Variants in AGBL1 observed in about 807,000 individuals in gnomAD.
The protein encoded by AGBL1 is cytosolic carboxypeptidase 4.
In AGBL1, 130 loss-of-function variants were observed where a neutral mutation model predicts 118.9. The observed-to-expected ratio is 1.09, with a 90% confidence interval of 0.95 to 1.26. The LOEUF (loss-of-function observed/expected upper bound fraction) is 1.26, where lower values mean the gene tolerates loss of function less well. Among genes scored for constraint, AGBL1 ranks in the 50% most tolerant of loss-of-function variants. AGBL1 has a pLI of 0.00. For missense variants in AGBL1, 1,584 were observed against 1,298.1 expected, an observed-to-expected ratio of 1.22 and a Z score of -3.38; for synonymous variants, 555 against 478.9, an observed-to-expected ratio of 1.16 and a Z score of -2.08.
chr15:86,095,456 C>T (rs1162250904), intron 1 of AGBL1, among the ~76,000 whole-genome samples: 1 of 152,054 alleles, frequency 6.6e-6, no homozygotes, highest in Admixed American at 6.6e-5. Flanking sequence ...CAAAAAGACA[C>T]TCTTAGCACT....
intron 17 of AGBL1, among the ~76,000 whole-genome samples, chr15:86,344,454 C>T (rs901971624): frequency 6.6e-6 from 1 of 152,004 alleles, no homozygotes; most frequent in African/African-American, 2.4e-5. Flanking sequence ...TGAATGGAGC[C>T]CCCTAGAGTT....
intron 22 of AGBL1, among the ~76,000 whole-genome samples, chr15:86,882,099 C>T (rs1340867134): frequency 6.6e-6 from 1 of 152,172 alleles, no homozygotes; most frequent in Non-Finnish European, 1.5e-5. Context: ...CGTATCCAAC[C>T]TCTCTTGACC....
At chr15:86,138,406 C>G (rs949884412) in intron 1 of AGBL1, 2 of 152,284 alleles carry the variant, frequency 1.3e-5, no homozygotes, top group Admixed American at 1.3e-4. Flanking sequence ...AGGATTCTCT[C>G]TACTTCTCCC....
intron 18 of AGBL1, among the ~76,000 whole-genome samples, chr15:86,419,564 GTT>G (rs530557383): frequency 1.4e-5 from 2 of 146,524 alleles, no homozygotes; most frequent in Admixed American, 6.8e-5. Flanking sequence ...AGCTGCAGGA[GTT>G]TTTTTTTTTT....
Position 86,295,281 on chromosome 15 carries a change from T to C in AGBL1, c.2247T>C (p.Ser749=), listed in dbSNP as rs892586488. The change falls in exon 17 of 23, where the codon AGT becomes AGC. Residue 749 remains serine (S), a synonymous_variant. Transcript: ENST00000614907. The stretch of plus-strand genomic sequence containing the variant: ...CTCATCTTGACATCCTGGAAAAGAG[T>C]GTCAACCTCAAAGAGGTCTACTTCC... ...LMTHLDILEK[S]VNLKEVYFRQ... The C allele has an allele frequency of 6.2e-7, 1 of 1,613,570 alleles. No individual in the cohort carries two copies. The highest frequency in any genetic ancestry group is 2.2e-5 in the East Asian group (1 of 44,860).
intron 22 of AGBL1, among the ~76,000 whole-genome samples, chr15:86,808,044 A>G (rs2141362276): frequency 6.6e-6 from 1 of 152,272 alleles, no homozygotes; most frequent in African/African-American, 2.4e-5. Flanking sequence ...GATGAGTTAG[A>G]GGAGGATTAA....
chr15:86,121,384 TC>T (rs1355041359), intron 1 of AGBL1, among the ~76,000 whole-genome samples: 3 of 152,164 alleles, frequency 2.0e-5, no homozygotes, highest in Non-Finnish European at 4.4e-5. Context: ...AATTTAATCA[TC>T]CCCTTTAAAT....
chr15:86,291,386 A>G (rs113904722), intron 16 of AGBL1, among the ~76,000 whole-genome samples: 6 of 148,888 alleles, frequency 4.0e-5, no homozygotes, highest in African/African-American at 1.6e-4. Flanking sequence ...AGACACATAC[A>G]CACACACACC....
chr15:86,445,194 G>T (rs1358158463), intron 18 of AGBL1, among the ~76,000 whole-genome samples: 2 of 152,158 alleles, frequency 1.3e-5, no homozygotes, highest in Admixed American at 6.5e-5. Context: ...CATCACCCTG[G>T]GGGAGAGCAG....
In AGBL1 at chr15:86,154,533, C is replaced by T. The variant is rs1474965349; in HGVS notation, c.366C>T (p.Leu122=). 14 of 1,611,922 alleles carry T rather than the reference C, an allele frequency of 8.7e-6. No homozygotes were observed. The highest frequency in any genetic ancestry group is 1.1e-5 in the Non-Finnish European group (13 of 1,178,862). The part of the protein sequence containing the change: ...LSHGQNLLHC[L]WALRVFASSV... Reference sequence around the variant, plus strand: ...ATGGCCAGAATCTCCTCCACTGTCTCTGGGCTCTGCGTGTGTTTGCCTCCA... The same window carrying T: ...ATGGCCAGAATCTCCTCCACTGTCTTTGGGCTCTGCGTGTGTTTGCCTCCA... Residue 122 remains leucine, a synonymous_variant, in exon 4 of 23, where the codon CTC becomes CTT. Coordinates refer to ENST00000614907, the MANE Select transcript of AGBL1 (RefSeq NM_001386094.1).
chr15:86,501,906 C>G (rs2082921064), intron 18 of AGBL1, among the ~76,000 whole-genome samples: 1 of 151,324 alleles, frequency 6.6e-6, no homozygotes, highest in Admixed American at 6.6e-5. Context: ...TTCAATACTG[C>G]TTTGTGTATT....
At position 86,291,870 on chromosome 15, in the gene AGBL1, T is replaced by C. The variant is rs143710028; in HGVS notation, c.2221-3385T>C. Among the ~76,000 whole-genome samples the C allele has an allele frequency of 1.3e-3, 202 of 152,326 alleles. 3 individuals carry two copies. The East Asian group carries it at 0.025, about 19-fold the overall frequency. On this transcript the variant is annotated intron_variant, in intron 16 of 22. Transcript: ENST00000614907. Reference sequence around the variant, plus strand: ...TCAATACCTGATACTCGTTATTTGATGGACAATCATAACAATTACATACAA... The same window carrying C: ...TCAATACCTGATACTCGTTATTTGACGGACAATCATAACAATTACATACAA...
chr15:86,828,247 G>C (rs951119487), intron 22 of AGBL1, among the ~76,000 whole-genome samples: 1 of 151,766 alleles, frequency 6.6e-6, no homozygotes, highest in Admixed American at 6.6e-5. Context: ...TCAGCCTGTC[G>C]TACGACTTTT....
chr15:86,081,867 T>G (rs1424017869), intron 1 of AGBL1, among the ~76,000 whole-genome samples: 2 of 152,228 alleles, frequency 1.3e-5, no homozygotes, highest in African/African-American at 4.8e-5. Context: ...CACTTCAGGT[T>G]GAACTCAATT....
intron 23 of AGBL1, among the ~76,000 whole-genome samples, chr15:86,925,422 G>A (rs2141626203): frequency 6.6e-6 from 1 of 152,244 alleles, no homozygotes; most frequent in East Asian, 1.9e-4. Context: ...GGGCAAAGAA[G>A]AAGCATTAGT....
intron 1 of AGBL1, among the ~76,000 whole-genome samples, chr15:86,137,808 G>T (rs1476772776): frequency 6.6e-6 from 1 of 152,178 alleles, no homozygotes; most frequent in African/African-American, 2.4e-5. Flanking sequence ...TGTATTTGAA[G>T]CAAATGGGGT....
At chr15:86,108,709 A>G (rs1431550710) in intron 1 of AGBL1, among the ~76,000 whole-genome samples, 3 of 152,228 alleles carry the variant, frequency 2.0e-5, no homozygotes, top group African/African-American at 7.2e-5. Context: ...CTATAATCCC[A>G]GCACTTTGGG....
At chr15:86,556,371 T>A in intron 21 of AGBL1, 2 of 1,221,946 alleles carry the variant, frequency 1.6e-6, no homozygotes, top group Non-Finnish European at 2.4e-6. Context: ...GAGAACTGGC[T>A]AGAGAAAGCC....
chr15:86,143,558 G>A, intron 2 of AGBL1, 141 bp from the exon 3 acceptor site: 3 of 1,002,000 alleles, frequency 3.0e-6, no homozygotes, highest in Non-Finnish European at 4.3e-6. Flanking sequence ...CTTTAACACA[G>A]GTTGCTTCAA....
Sources: gnomAD v4.1 joint callset for allele counts (sites outside exome capture counted in the v4.1 genomes callset) on GRCh38, gnomAD v4.1.1 for gene constraint, MANE v1.5 for transcripts, NCBI Gene and HGNC (gene_info 2026-07-23, HGNC 2026-07-21) for gene names.